Variants in TLK1 observed in about 807,000 individuals in gnomAD.
TLK1 encodes the protein tousled like kinase 1, also known as serine/threonine-protein kinase tousled-like 1.
Under a neutral mutation model 105.3 loss-of-function variants are expected in TLK1, and 24 were observed. The ratio of observed to expected loss-of-function variants is 0.23; its 90% CI spans 0.17 to 0.32. The LOEUF is 0.32. TLK1 is among the 10% of genes least tolerant of loss of function. The pLI is 1.00. For synonymous variants in TLK1, 321 were observed against 310.4 expected, an observed-to-expected ratio of 1.03 and a Z score of -0.36; for missense variants, 558 against 910.5, an observed-to-expected ratio of 0.61 and a Z score of 4.98.
At chr2:171,191,987 C>T (rs1230314827) in intron 1 of TLK1, among the ~76,000 whole-genome samples, 1 of 152,092 alleles carries the variant, frequency 6.6e-6, no homozygotes, top group Non-Finnish European at 1.5e-5. Flanking sequence ...ATCCCTTTTA[C>T]CTCAGAATAC....
chr2:171,010,602 G>C (rs1166289365), intron 14 of TLK1, among the ~76,000 whole-genome samples: 1 of 138,242 alleles, frequency 7.2e-6, no homozygotes, highest in East Asian at 2.0e-4. Flanking sequence ...TAAAGGTTAG[G>C]CTAAAAGATA....
intron 12 of TLK1, among the ~76,000 whole-genome samples, chr2:171,023,748 A>G (rs936010853): frequency 6.6e-6 from 1 of 152,182 alleles, no homozygotes; most frequent in Non-Finnish European, 1.5e-5. Context: ...AAGGAAGTTG[A>G]TTTTGCAGGG....
At position 170,996,818 on chromosome 2, in the gene TLK1, ATCAT is replaced by A. The variant is rs1684086445; in HGVS notation, c.2017-62_2017-59del. On this transcript the variant is annotated intron_variant, in intron 19 of 20. Coordinates refer to ENST00000431350, the MANE Select transcript of TLK1 (RefSeq NM_012290.5). ...TCTCACAAAATATTTAAACACAGATATCATTTCTGTTTAAGCGAATTCCCAAAAC... is the reference window on the plus strand; with the variant it reads ...TCTCACAAAATATTTAAACACAGATATTCTGTTTAAGCGAATTCCCAAAAC... 2.1e-6 allele frequency: 3 copies of A among 1,431,448 alleles called. No individual in the cohort carries two copies. In the South Asian group the frequency reaches 3.8e-5, roughly 18 times the overall value. 88.7% of individuals were successfully genotyped at this position (1,431,448 alleles called of 1,614,324 possible).
intron 18 of TLK1, among the ~76,000 whole-genome samples, chr2:171,002,383 C>T (rs376020807): frequency 1.7e-4 from 26 of 152,128 alleles, no homozygotes; most frequent in South Asian, 1.0e-3. Flanking sequence ...CTCAGCCTCC[C>T]GAGTAGCTAG....
At chr2:171,006,088 T>C in intron 18 of TLK1, 59 bp downstream of exon 18, 4 of 1,428,978 alleles carry the variant, frequency 2.8e-6, no homozygotes, top group Non-Finnish European at 3.7e-6. Context: ...AACACTAAAT[T>C]ATTATAAAAG....
In TLK1 at chr2:171,022,068, A is replaced by AC. The variant is rs1162926399; in HGVS notation, c.1236+6270dup. On this transcript the variant is annotated intron_variant, in intron 12 of 20. Coordinates refer to ENST00000431350, the MANE Select transcript of TLK1 (RefSeq NM_012290.5). ...CAGTGAGCCGGGATCATGCCACCAC[A>AC]CTCCAGCCTGGGCGAAAAACACACA... 3.2e-5 allele frequency among the ~76,000 whole-genome samples: 4 copies of AC among 125,504 alleles called. No individual in the cohort carries two copies. In the Admixed American group the frequency reaches 3.4e-4, roughly 11 times the overall value. 82.3% of individuals were successfully genotyped at this position (125,504 alleles called of 152,430 possible).
chr2:171,221,391 A>C (rs1303033242), intron 1 of TLK1, among the ~76,000 whole-genome samples: 3 of 152,194 alleles, frequency 2.0e-5, no homozygotes, highest in African/African-American at 7.2e-5. Context: ...CATTTAAAGG[A>C]GTGCCTATTG....
intron 13 of TLK1, among the ~76,000 whole-genome samples, chr2:171,013,209 C>T (rs1486030550): frequency 2.0e-5 from 3 of 151,404 alleles, no homozygotes; most frequent in Non-Finnish European, 4.4e-5. Flanking sequence ...GATGGGGTTT[C>T]ACCATGTTGG....
At chr2:171,207,461 G>T (rs182592700) in intron 1 of TLK1, among the ~76,000 whole-genome samples, 218 of 152,230 alleles carry the variant, frequency 1.4e-3, no homozygotes, top group African/African-American at 5.2e-3. Context: ...CCATAAATTT[G>T]TTCAAACCCA....
At chr2:171,015,849 C>T (rs928604785) in intron 12 of TLK1, among the ~76,000 whole-genome samples, 8 of 151,910 alleles carry the variant, frequency 5.3e-5, no homozygotes, top group African/African-American at 1.5e-4. Flanking sequence ...GAGGCTGTGG[C>T]GGGCGGATCA....
At chr2:170,999,559 T>C (rs1449452531) in intron 18 of TLK1, among the ~76,000 whole-genome samples, 1 of 152,194 alleles carries the variant, frequency 6.6e-6, no homozygotes, top group East Asian at 1.9e-4. Flanking sequence ...CAGGATTTAG[T>C]GAATTTGAGA....
chr2:171,183,984 G>A (rs1224497973), intron 1 of TLK1, among the ~76,000 whole-genome samples: 5 of 152,168 alleles, frequency 3.3e-5, no homozygotes, highest in Non-Finnish European at 7.3e-5. Flanking sequence ...TTAGGATTGT[G>A]GAGATGAGAA....
chr2:171,126,379 A>G (rs2105547077), intron 1 of TLK1, among the ~76,000 whole-genome samples: 1 of 152,304 alleles, frequency 6.6e-6, no homozygotes, highest in Admixed American at 6.5e-5. Context: ...CATAAACTCA[A>G]TAAATGTTGA....
intron 1 of TLK1, among the ~76,000 whole-genome samples, chr2:171,141,614 AG>A (rs1480693602): frequency 2.0e-5 from 3 of 152,224 alleles, no homozygotes; most frequent in African/African-American, 7.2e-5. Flanking sequence ...TAAGACTGAT[AG>A]TTGACTTCTC....
intron 1 of TLK1, among the ~76,000 whole-genome samples, chr2:171,198,753 C>G (rs1390518467): frequency 6.6e-6 from 1 of 152,238 alleles, no homozygotes; most frequent in African/African-American, 2.4e-5. Context: ...GAAATTCTGA[C>G]TCTGATAAAT....
intron 2 of TLK1, among the ~76,000 whole-genome samples, chr2:171,102,928 T>A (rs1433584296): frequency 1.3e-5 from 2 of 151,926 alleles, no homozygotes; most frequent in Non-Finnish European, 2.9e-5. Context: ...ACCTATGGAA[T>A]CAATAAGTTG....
chr2:171,050,296 T>C (rs1295395658), intron 8 of TLK1, 122 bp from the exon 9 acceptor site: 1 of 615,316 alleles, frequency 1.6e-6, no homozygotes, highest in East Asian at 3.1e-5. Context: ...TATCTGAGTA[T>C]GATACGAGAA....
In TLK1 at chr2:171,020,723, C is replaced by A. The variant is rs111397556; in HGVS notation, c.1237-5775G>T. Reference sequence around the variant, plus strand: ...CCAACCAAAATAAAAGCCAGCCAACCAACCAACCAACCAACCAACCAAAAT... The same window carrying A: ...CCAACCAAAATAAAAGCCAGCCAACAAACCAACCAACCAACCAACCAAAAT... On this transcript the variant is annotated intron_variant, in intron 12 of 20. Coordinates refer to ENST00000431350, the MANE Select transcript of TLK1 (RefSeq NM_012290.5). Among the ~76,000 whole-genome samples, 550 of 151,846 alleles carry A rather than the reference C, an allele frequency of 3.6e-3. 6 individuals carry two copies. The highest frequency in any genetic ancestry group is 0.012 in the African/African-American group (507 of 41,416).
chr2:171,051,755 T>A (rs1687251791), intron 8 of TLK1, among the ~76,000 whole-genome samples: 1 of 152,154 alleles, frequency 6.6e-6, no homozygotes, highest in South Asian at 2.1e-4. Flanking sequence ...CTGCAGTACT[T>A]GTGTAGAGAC....
Sources: gnomAD v4.1 joint callset for allele counts (sites outside exome capture counted in the v4.1 genomes callset) on GRCh38, gnomAD v4.1.1 for gene constraint, MANE v1.5 for transcripts, NCBI Gene and HGNC (gene_info 2026-07-23, HGNC 2026-07-21) for gene names.